Variants in PPARA observed in about 807,000 individuals in gnomAD.
The protein encoded by PPARA is peroxisome proliferator-activated receptor alpha.
A neutral mutation model predicts 42.2 loss-of-function variants in PPARA; 22 were observed. The observed-to-expected ratio is 0.52, with a 90% CI of 0.37 to 0.74. The LOEUF (loss-of-function observed/expected upper bound fraction) is 0.74. PPARA is among the 30% of genes least tolerant of loss of function. The pLI is 0.00. For synonymous variants in PPARA, 242 were observed against 239.3 expected (o/e 1.01, Z -0.10); for missense variants, 465 against 608.2 (o/e 0.76, Z 2.48).
chr22:46,213,136 C>T (rs970311926), intron 4 of PPARA, among the ~76,000 whole-genome samples: 1 of 152,166 alleles, frequency 6.6e-6, no homozygotes, highest in Non-Finnish European at 1.5e-5. Context: ...GCCAGAATGT[C>T]CTCCAAGGGG....
In PPARA at chr22:46,224,295, G is replaced by A. The variant is rs1935232426; in HGVS notation, c.711+4281G>A. Among the ~76,000 whole-genome samples the A allele has an allele frequency of 6.6e-6, 1 of 152,198 alleles. No individual in the cohort carries two copies. Among genetic ancestry groups the A allele is most frequent in the Non-Finnish European group, 1.5e-5 (1 of 68,026 alleles). ...CCTTCAGGTGCAGGATACCCTCTCT[G>A]CTTAGTCTGGGAAAAGGCCCCGTTG... On this transcript the variant is annotated intron_variant, in intron 7 of 8. Transcript: ENST00000407236. This position sits in a 1 kb window ranked among gnomAD's most constrained non-coding sequence, Gnocchi z 5.7.
At chr22:46,189,224 A>T (rs555725112) in intron 3 of PPARA, among the ~76,000 whole-genome samples, 11 of 152,376 alleles carry the variant, frequency 7.2e-5, no homozygotes, top group South Asian at 2.1e-4. Context: ...CAAAGGTAAG[A>T]TATTTTAAAG....
In PPARA at chr22:46,192,887, A is replaced by G. The variant is rs1411058584; in HGVS notation, c.-42-5455A>G. 6.6e-6 allele frequency among the ~76,000 whole-genome samples: 1 copy of G among 152,168 alleles called. No individual in the cohort carries two copies. The highest frequency in any genetic ancestry group is 1.5e-5 in the Non-Finnish European group (1 of 68,030). On this transcript the variant is annotated intron_variant, in intron 3 of 8. Coordinates refer to ENST00000407236, the MANE Select transcript of PPARA (RefSeq NM_005036.6). This position sits in a 1 kb window ranked among gnomAD's most constrained non-coding sequence, Gnocchi z 4.3. ...AAATAATCCAGGCACAGAAAGACAA[A>G]CTTCACATGTTCTCACTTATTTGTG...
In PPARA at chr22:46,167,880, CA is replaced by C. The variant is rs112365984; in HGVS notation, c.-126-8861del. 0.17 allele frequency among the ~76,000 whole-genome samples: 24,135 copies of C among 140,898 alleles called. 2,303 individuals are homozygous for C. Among genetic ancestry groups the C allele is most frequent in the African/African-American group, 0.29 (11,294 of 39,280 alleles). The allele number at this position is 140,898 out of a possible 152,430, so 92.4% of individuals were successfully genotyped here. ...CAACATAACAAGAGTGGGTCTTTAC[CA>C]AAAAAAAAAAATAAAAAGCCTGTGC... On this transcript the variant is annotated intron_variant, in intron 2 of 8. Coordinates refer to ENST00000407236, the MANE Select transcript of PPARA (RefSeq NM_005036.6). This position sits in a 1 kb window ranked among gnomAD's most constrained non-coding sequence, Gnocchi z 4.1.
At chr22:46,175,240 AAGTGAGAGGACGATATCAC>A (rs1175524923) in intron 2 of PPARA, among the ~76,000 whole-genome samples, 3 of 152,164 alleles carry the variant, frequency 2.0e-5, no homozygotes, top group Non-Finnish European at 4.4e-5. Context: ...ACATCTTGCA[AAGTGAGAGGACGATATCAC>A]AGTCAGGATA....
In PPARA at chr22:46,160,292, T is replaced by C. The variant is rs1417917131; in HGVS notation, c.-127+8322T>C. 6.6e-6 allele frequency among the ~76,000 whole-genome samples: 1 copy of C among 152,194 alleles called. No individual in the cohort carries two copies. Among genetic ancestry groups the C allele is most frequent in the Non-Finnish European group, 1.5e-5 (1 of 68,028 alleles). ...AGGATGCCAATATAAGAAATCTATATTGGTGTTCGTTTGTTTGTTTTTGAG... is the reference window on the plus strand; with the variant it reads ...AGGATGCCAATATAAGAAATCTATACTGGTGTTCGTTTGTTTGTTTTTGAG... On this transcript the variant is annotated intron_variant, in intron 2 of 8. Transcript: ENST00000407236. The surrounding 1 kb of genome is among the most constrained non-coding windows in gnomAD (Gnocchi z 4.5).
At chr22:46,209,696 A>C (rs529785140) in intron 4 of PPARA, among the ~76,000 whole-genome samples, 6 of 152,316 alleles carry the variant, frequency 3.9e-5, no homozygotes, top group African/African-American at 1.4e-4. Flanking sequence ...TAACATGTCC[A>C]GTCTTTCACT....
At position 46,195,450 on chromosome 22, in the gene PPARA, A is replaced by G. The variant is rs935803509; in HGVS notation, c.-42-2892A>G. On this transcript the variant is annotated intron_variant, in intron 3 of 8. Transcript: ENST00000407236. The surrounding 1 kb of genome is among the most constrained non-coding windows in gnomAD (Gnocchi z 4.6). ...AGAGAAAGAAAGTCTTCTAAACCCTATGAAAGGTTAACAGTTCTCTTATTT... is the reference window on the plus strand; with the variant it reads ...AGAGAAAGAAAGTCTTCTAAACCCTGTGAAAGGTTAACAGTTCTCTTATTT... Among the ~76,000 whole-genome samples, 3 of 149,120 alleles carry G rather than the reference A, an allele frequency of 2.0e-5. No individual in the cohort carries two copies. Among genetic ancestry groups the G allele is most frequent in the African/African-American group, 5.1e-5 (2 of 39,430 alleles).
At chr22:46,206,502 T>C (rs994567503) in intron 4 of PPARA, among the ~76,000 whole-genome samples, 2 of 152,212 alleles carry the variant, frequency 1.3e-5, no homozygotes, top group Admixed American at 1.3e-4. Flanking sequence ...GTAGTTGCTT[T>C]AGGGTTTATA....
intron 2 of PPARA, among the ~76,000 whole-genome samples, chr22:46,157,074 G>T (rs1315413994): frequency 6.6e-6 from 1 of 152,200 alleles, no homozygotes; most frequent in African/African-American, 2.4e-5. Context: ...GTTCCGTCAA[G>T]CCAGGACCCG....
chr22:46,185,428 T>C (rs1469350719), intron 3 of PPARA, among the ~76,000 whole-genome samples: 1 of 152,102 alleles, frequency 6.6e-6, no homozygotes, highest in East Asian at 1.9e-4. Context: ...GAACTTGGAG[T>C]GCCCTCATTT....
chr22:46,215,170 C>T lies in PPARA; in HGVS notation c.209-3C>T, dbSNP rs777043452. 61 of 1,613,604 alleles carry T rather than the reference C, an allele frequency of 3.8e-5. No individual in the cohort carries two copies. Among genetic ancestry groups the T allele is most frequent in the Non-Finnish European group, 4.9e-5 (58 of 1,179,930 alleles). On this transcript the variant is annotated splice_region_variant and splice_polypyrimidine_tract_variant and intron_variant, in intron 4 of 8. Transcript: ENST00000407236. ...TTCATCCGTCTCTCCTCTTTTTCCC[C>T]AGACACGCTTTCACCAGCTTCGAGC...
chr22:46,198,656 C>CACT, intron 4 of PPARA, 65 bp downstream of exon 4: 4 of 1,000,798 alleles, frequency 4.0e-6, no homozygotes, highest in African/African-American at 3.8e-5. Context: ...AAACTGTTCT[C>CACT]TCTTTTTTTT....
At position 46,183,191 on chromosome 22, in the gene PPARA, G is replaced by T. The variant is rs1601674545; in HGVS notation, c.-43+6355G>T. On this transcript the variant is annotated intron_variant, in intron 3 of 8. Transcript: ENST00000407236. The surrounding 1 kb of genome is among the most constrained non-coding windows in gnomAD (Gnocchi z 5.5). ...AGAAATGACTCCATCTGCTAAATGA[G>T]TAAATGGGTAATTCTCCACTGAACA... 6.6e-6 allele frequency among the ~76,000 whole-genome samples: 1 copy of T among 152,226 alleles called. No homozygotes were observed. The highest frequency in any genetic ancestry group is 2.4e-5 in the African/African-American group (1 of 41,464).
chr22:46,194,374 C>T lies in PPARA; in HGVS notation c.-42-3968C>T, dbSNP rs368897468. Among the ~76,000 whole-genome samples, 62 of 152,182 alleles carry T rather than the reference C, an allele frequency of 4.1e-4. No homozygotes were observed. The East Asian group carries it at 7.1e-3, about 18-fold the overall frequency. The stretch of plus-strand genomic sequence containing the variant: ...ATGAAATTGTAAAACTTTGAAACTC[C>T]CTGAATATAACGACAAGCAAACTAA... On this transcript the variant is annotated intron_variant, in intron 3 of 8. Transcript: ENST00000407236.
rs1437478492 is a variant in PPARA at position 46,225,755 on chromosome 22, A to T, written c.711+5741A>T. Among the ~76,000 whole-genome samples, 1 of 150,112 alleles carries T rather than the reference A, an allele frequency of 6.7e-6. No individual in the cohort carries two copies. The highest frequency in any genetic ancestry group is 1.9e-4 in the East Asian group (1 of 5,160). On this transcript the variant is annotated intron_variant, in intron 7 of 8. Coordinates refer to ENST00000407236, the MANE Select transcript of PPARA (RefSeq NM_005036.6). The surrounding 1 kb of genome is among the most constrained non-coding windows in gnomAD (Gnocchi z 4.1). ...TCCATGCTCACATGGGTACACACTC[A>T]CACATCCATGCATGCACGTGTAAAC...
In PPARA at chr22:46,162,091, G is replaced by A. The variant is rs778352340; in HGVS notation, c.-127+10121G>A. On this transcript the variant is annotated intron_variant, in intron 2 of 8. Coordinates refer to ENST00000407236, the MANE Select transcript of PPARA (RefSeq NM_005036.6). The surrounding 1 kb of genome is among the most constrained non-coding windows in gnomAD (Gnocchi z 6.0). ...GGGGACATCAAAGGCAGGACAAGGT[G>A]TAGGGTCCTCACCCACCACTTAGCA... 5.3e-5 allele frequency among the ~76,000 whole-genome samples: 8 copies of A among 152,184 alleles called. No homozygotes were observed. Among genetic ancestry groups the A allele is most frequent in the Non-Finnish European group, 1.2e-4 (8 of 68,036 alleles).
rs555172153 is a variant in PPARA, at chr22:46,212,496, G to A, written c.209-2677G>A. ...GCTATAATTTTGCCTTTTCCAGAAC[G>A]CCATGAATTTGAAATCATATAGTAT... On this transcript the variant is annotated intron_variant, in intron 4 of 8. Coordinates refer to ENST00000407236, the MANE Select transcript of PPARA (RefSeq NM_005036.6). This position sits in a 1 kb window ranked among gnomAD's most constrained non-coding sequence, Gnocchi z 4.2. Among the ~76,000 whole-genome samples, 4 of 152,188 alleles carry A rather than the reference G, an allele frequency of 2.6e-5. No individual in the cohort carries two copies. The highest frequency in any genetic ancestry group is 4.4e-5 in the Non-Finnish European group (3 of 68,012).
In PPARA at chr22:46,230,869, T is replaced by G. The variant is rs1935818924; in HGVS notation, c.712-923T>G. Among the ~76,000 whole-genome samples, 1 of 152,226 alleles carries G rather than the reference T, an allele frequency of 6.6e-6. No individual in the cohort carries two copies. On this transcript the variant is annotated intron_variant, in intron 7 of 8. Coordinates refer to ENST00000407236, the MANE Select transcript of PPARA (RefSeq NM_005036.6). This position sits in a 1 kb window ranked among gnomAD's most constrained non-coding sequence, Gnocchi z 5.0. Reference sequence around the variant, plus strand: ...GTATTTACATGCCAAATGTATTCATTGAGCAGCGTTAAATAATGGTGTTCA... The same window carrying G: ...GTATTTACATGCCAAATGTATTCATGGAGCAGCGTTAAATAATGGTGTTCA...
Sources: gnomAD v4.1 joint callset for allele counts (sites outside exome capture counted in the v4.1 genomes callset) on GRCh38, gnomAD v4.1.1 for gene constraint, Gnocchi (gnomAD v3.1) non-coding constraint, MANE v1.5 for transcripts, NCBI Gene and HGNC (gene_info 2026-07-23, HGNC 2026-07-21) for gene names.